NFIB: variants seen among roughly 807,000 people sequenced by gnomAD.
NFIB encodes nuclear factor 1 B-type.
NFIB carries 11 observed loss-of-function variants against 61.5 expected under a neutral mutation model. The observed-to-expected ratio is 0.18, with a 90% CI of 0.11 to 0.30. The LOEUF (loss-of-function observed/expected upper bound fraction) is 0.30, where lower values mean the gene tolerates loss of function less well. Ranked by LOEUF, NFIB falls within the 10% of genes least tolerant of loss-of-function variation. The pLI is 1.00. For synonymous variants in NFIB, 260 were observed against 216.5 expected (o/e 1.20, Z -1.76); for missense variants, 471 against 608.9 (o/e 0.77, Z 2.38).
intron 3 of NFIB, among the ~76,000 whole-genome samples, chr9:14,174,539 G>C (rs978363806): frequency 6.6e-6 from 1 of 151,954 alleles, no homozygotes; most frequent in Non-Finnish European, 1.5e-5. Context: ...AGGCTGAGGC[G>C]GGTGGATCAC....
At chr9:14,246,604 G>C (rs1165740694) in intron 2 of NFIB, among the ~76,000 whole-genome samples, 1 of 152,164 alleles carries the variant, frequency 6.6e-6, no homozygotes, top group African/African-American at 2.4e-5. Context: ...CATTTTTGAA[G>C]AGCTTTTGCT....
the NFIB span, among the ~76,000 whole-genome samples, chr9:14,432,952 T>C: frequency 6.6e-6 from 1 of 152,370 alleles, no homozygotes; most frequent in South Asian, 2.1e-4. Context: ...ATTCTGTTTC[T>C]AGTTTGTGCA....
chr9:14,133,356 T>C (rs546113146), intron 6 of NFIB, among the ~76,000 whole-genome samples: 1 of 152,308 alleles, frequency 6.6e-6, no homozygotes, highest in Non-Finnish European at 1.5e-5. Flanking sequence ...TTAACTGGGA[T>C]ATTTCTGCTT....
rs926369923 is a variant in NFIB, at chr9:14,086,084, T to A, written c.*2225A>T. 4.4e-6 allele frequency: 1 copy of A among 225,316 alleles called. No individual in the cohort carries two copies. Among genetic ancestry groups the A allele is most frequent in the Non-Finnish European group, 8.9e-6 (1 of 112,802 alleles). The allele number at this position is 225,316 out of a possible 1,614,324, so 14.0% of individuals were successfully genotyped here. ...ATTGTGTTGTTATGAAAACCAGTAA[T>A]GAGTTCAGCTTGCAACCCAGGTGGG... On this transcript the variant is annotated 3_prime_UTR_variant, in exon 11 of 11. Transcript: ENST00000380953.
intron 2 of NFIB, among the ~76,000 whole-genome samples, chr9:14,239,023 T>C (rs1195749237): frequency 6.6e-6 from 1 of 152,240 alleles, no homozygotes; most frequent in Non-Finnish European, 1.5e-5. Context: ...TGTTATGTTA[T>C]ACAATATAGT....
intron 3 of NFIB, among the ~76,000 whole-genome samples, chr9:14,177,545 G>T (rs59044157): frequency 0.019 from 2,840 of 152,056 alleles, 96 homozygotes; most frequent in African/African-American, 0.063. Flanking sequence ...GCATATTAAA[G>T]TCAATATTTT....
At chr9:14,302,618 T>C (rs1161393889) in intron 2 of NFIB, among the ~76,000 whole-genome samples, 1 of 152,220 alleles carries the variant, frequency 6.6e-6, no homozygotes, top group African/African-American at 2.4e-5. Context: ...TTTTAAACTC[T>C]AATCTGTTAC....
At chr9:14,510,387 C>A in the NFIB span, among the ~76,000 whole-genome samples, 1 of 152,188 alleles carries the variant, frequency 6.6e-6, no homozygotes, top group Non-Finnish European at 1.5e-5. Context: ...ATCCACCCCA[C>A]ACTAGAATAG....
chr9:14,517,229 C>T, the NFIB span, among the ~76,000 whole-genome samples: 4 of 152,210 alleles, frequency 2.6e-5, no homozygotes, highest in African/African-American at 9.6e-5. Flanking sequence ...AATTTCCCCC[C>T]ACCAACCTCT....
chr9:14,373,504 C>A (rs1199442563), intron 1 of NFIB, among the ~76,000 whole-genome samples: 1 of 151,994 alleles, frequency 6.6e-6, no homozygotes, highest in African/African-American at 2.4e-5. Flanking sequence ...TTGTTTTAGA[C>A]TCATTGCCAG....
chr9:14,502,604 G>A, the NFIB span, among the ~76,000 whole-genome samples: 29 of 152,294 alleles, frequency 1.9e-4, no homozygotes, highest in African/African-American at 5.8e-4. Context: ...ATTAACAAAT[G>A]TTAACTTCTC....
At chr9:14,505,765 G>T in the NFIB span, among the ~76,000 whole-genome samples, 3 of 152,118 alleles carry the variant, frequency 2.0e-5, no homozygotes, top group African/African-American at 7.2e-5. Flanking sequence ...GCTACCAGGG[G>T]CCCCCACCTG....
At chr9:14,525,878 T>G in the NFIB span, among the ~76,000 whole-genome samples, 3 of 152,176 alleles carry the variant, frequency 2.0e-5, no homozygotes, top group African/African-American at 7.2e-5. Flanking sequence ...GGGCACCTAC[T>G]AAGTGCTCAG....
intron 10 of NFIB, among the ~76,000 whole-genome samples, chr9:14,106,446 G>C (rs1015906744): frequency 6.6e-6 from 1 of 152,054 alleles, no homozygotes; most frequent in Non-Finnish European, 1.5e-5. Flanking sequence ...GGGAAGGTTG[G>C]AACAGTTTAA....
intron 3 of NFIB, among the ~76,000 whole-genome samples, chr9:14,159,545 C>T (rs2890980): frequency 5.3e-5 from 8 of 152,206 alleles, no homozygotes; most frequent in African/African-American, 1.7e-4. Flanking sequence ...GGAGAAGCAC[C>T]GGAAGCAGAT....
chr9:14,235,423 AGAT>A (rs1470655289), intron 2 of NFIB, among the ~76,000 whole-genome samples: 1 of 152,220 alleles, frequency 6.6e-6, no homozygotes, highest in Non-Finnish European at 1.5e-5. Flanking sequence ...TGATTAGAAT[AGAT>A]AATAAAGGCA....
chr9:14,333,178 C>G (rs1012309809), intron 1 of NFIB, among the ~76,000 whole-genome samples: 6 of 152,180 alleles, frequency 3.9e-5, no homozygotes, highest in African/African-American at 9.6e-5. Context: ...TGCTCACTTT[C>G]ACAACACTTA....
At chr9:14,349,453 G>T (rs1259226299) in intron 1 of NFIB, among the ~76,000 whole-genome samples, 1 of 152,148 alleles carries the variant, frequency 6.6e-6, no homozygotes, top group African/African-American at 2.4e-5. Flanking sequence ...GGCATTCCGC[G>T]TTATGTTTCC....
intron 1 of NFIB, chr9:14,322,017 C>T: frequency 8.2e-7 from 1 of 1,224,674 alleles, no homozygotes. Flanking sequence ...TGACGTGTCT[C>T]AGGTACAGAT....
Sources: gnomAD v4.1 joint callset for allele counts (sites outside exome capture counted in the v4.1 genomes callset) on GRCh38, gnomAD v4.1.1 for gene constraint, MANE v1.5 for transcripts, NCBI Gene and HGNC (gene_info 2026-07-23, HGNC 2026-07-21) for gene names.